CCDC102B: variants seen among roughly 807,000 people sequenced by gnomAD.
The protein encoded by CCDC102B is coiled-coil domain-containing protein 102B.
A neutral mutation model predicts 57.4 loss-of-function variants in CCDC102B; 75 were observed. The ratio of observed to expected loss-of-function variants is 1.31; its 90% confidence interval spans 1.08 to 1.58. CCDC102B has a LOEUF of 1.58. Ranked by LOEUF, CCDC102B falls within the 40% of genes most tolerant of loss-of-function variation. CCDC102B has a pLI of 0.00. For missense variants in CCDC102B, 636 were observed against 582.6 expected, an observed-to-expected ratio of 1.09 and a Z score of -0.94; for synonymous variants, 206 against 201.9, an observed-to-expected ratio of 1.02 and a Z score of -0.17.
intron 7 of CCDC102B, among the ~76,000 whole-genome samples, chr18:69,017,897 T>C (rs2051713626): frequency 6.6e-6 from 1 of 152,224 alleles, no homozygotes; most frequent in Non-Finnish European, 1.5e-5. Context: ...TGCATTAGTC[T>C]TTCTGTGTCT....
At chr18:68,896,971 AAT>A (rs1472753016) in intron 5 of CCDC102B, among the ~76,000 whole-genome samples, 1 of 152,106 alleles carries the variant, frequency 6.6e-6, no homozygotes, top group Non-Finnish European at 1.5e-5. Context: ...ATATTTGAAA[AAT>A]ATGGTACATA....
At chr18:68,988,131 T>C (rs962761569) in intron 6 of CCDC102B, among the ~76,000 whole-genome samples, 5 of 151,622 alleles carry the variant, frequency 3.3e-5, no homozygotes, top group African/African-American at 1.2e-4. Context: ...AGAGCAAAGA[T>C]AGGGAATCAA....
At chr18:68,963,496 C>T (rs1399935897) in intron 6 of CCDC102B, among the ~76,000 whole-genome samples, 1 of 151,792 alleles carries the variant, frequency 6.6e-6, no homozygotes, top group African/African-American at 2.4e-5. Context: ...CATATACTTA[C>T]AGGTGTACTT....
rs1555673531 is a variant in CCDC102B, at chr18:69,022,222, T to TAAAA, written c.1434+11120_1434+11121insAAAA. Among the ~76,000 whole-genome samples the TAAAA allele has an allele frequency of 2.6e-4, 25 of 95,004 alleles. 1 individual carries two copies. The highest frequency in any genetic ancestry group is 5.9e-3 in the Middle Eastern group (1 of 170). 62.3% of individuals were successfully genotyped at this position (95,004 alleles called of 152,430 possible). A position where few individuals can be genotyped will look rare whatever the true frequency, so the allele number is the denominator to read the frequency against. ...ATATATATATATATATATATATATA[T>TAAAA]AACACACACACACGCGTGCGTGTGC... On this transcript the variant is annotated intron_variant, in intron 7 of 7. Coordinates refer to ENST00000360242, the MANE Select transcript of CCDC102B (RefSeq NM_024781.3).
chr18:68,982,117 G>A (rs1052417255), intron 6 of CCDC102B, among the ~76,000 whole-genome samples: 6 of 151,928 alleles, frequency 3.9e-5, no homozygotes, highest in Non-Finnish European at 4.4e-5. Flanking sequence ...AATCCTGTCT[G>A]TCAAAGTCAA....
chr18:69,029,515 C>A (rs1037851811), intron 7 of CCDC102B, among the ~76,000 whole-genome samples: 2 of 152,052 alleles, frequency 1.3e-5, no homozygotes, highest in Non-Finnish European at 2.9e-5. Flanking sequence ...TTTTACACAG[C>A]GTCAAGAGAT....
At chr18:68,917,227 G>A (rs1795635744) in intron 6 of CCDC102B, among the ~76,000 whole-genome samples, 1 of 151,940 alleles carries the variant, frequency 6.6e-6, no homozygotes, top group African/African-American at 2.4e-5. Flanking sequence ...GGAGAGCATT[G>A]GTTTGGAGGG....
chr18:68,765,453 GGAA>G (rs1252286488), intron 2 of CCDC102B, among the ~76,000 whole-genome samples: 1 of 141,990 alleles, frequency 7.0e-6, no homozygotes, highest in African/African-American at 2.6e-5. Context: ...AGGAGAAAGA[GGAA>G]GAAAGAGAGA....
chr18:68,838,179 G>A lies in CCDC102B; in HGVS notation c.607-527G>A, dbSNP rs141742449. Among the ~76,000 whole-genome samples, 91 of 152,194 alleles carry A rather than the reference G, an allele frequency of 6.0e-4. No homozygotes were observed. In the East Asian group the frequency reaches 8.3e-3, roughly 14 times the overall value. ...TTGTTGCTCTAGTACTGATGTCCATGTTTATTAAAGCGCCCCATTAAATTC... is the reference window on the plus strand; with the variant it reads ...TTGTTGCTCTAGTACTGATGTCCATATTTATTAAAGCGCCCCATTAAATTC... On this transcript the variant is annotated intron_variant, in intron 2 of 7. Coordinates refer to ENST00000360242, the MANE Select transcript of CCDC102B (RefSeq NM_024781.3).
chr18:69,027,538 TA>T, intron 7 of CCDC102B, among the ~76,000 whole-genome samples: 1 of 152,326 alleles, frequency 6.6e-6, no homozygotes, highest in East Asian at 1.9e-4. Context: ...TGTCTAGGTG[TA>T]AATCATTTAG....
intron 7 of CCDC102B, among the ~76,000 whole-genome samples, chr18:69,020,743 C>A (rs951132037): frequency 6.6e-6 from 1 of 152,068 alleles, no homozygotes. Flanking sequence ...ACTGTGGTAT[C>A]CTTTGAATGC....
chr18:68,747,124 G>A (rs931324256), intron 2 of CCDC102B, among the ~76,000 whole-genome samples: 3 of 151,922 alleles, frequency 2.0e-5, no homozygotes, highest in Non-Finnish European at 4.4e-5. Flanking sequence ...AAGATATACA[G>A]GAAGTTATTA....
intron 6 of CCDC102B, among the ~76,000 whole-genome samples, chr18:68,997,706 T>C (rs968857860): frequency 6.6e-6 from 1 of 152,054 alleles, no homozygotes; most frequent in Non-Finnish European, 1.5e-5. Flanking sequence ...ATTTCATTCA[T>C]CCGTGTCTTT....
intron 6 of CCDC102B, among the ~76,000 whole-genome samples, chr18:68,929,976 G>C (rs917068263): frequency 6.6e-6 from 1 of 151,142 alleles, no homozygotes; most frequent in Admixed American, 6.6e-5. Flanking sequence ...AAAATAAAAA[G>C]AGTAATTGCC....
intron 2 of CCDC102B, among the ~76,000 whole-genome samples, chr18:68,747,318 A>T (rs2033659401): frequency 6.6e-6 from 1 of 152,024 alleles, no homozygotes; most frequent in South Asian, 2.1e-4. Context: ...CATATGAGGG[A>T]GAACACAGAG....
At chr18:68,766,601 G>A (rs1568239673) in intron 2 of CCDC102B, among the ~76,000 whole-genome samples, 1 of 152,154 alleles carries the variant, frequency 6.6e-6, no homozygotes. Flanking sequence ...GAAGTAACTG[G>A]CAGCAGATCA....
chr18:68,780,802 C>T (rs886387621), intron 2 of CCDC102B, among the ~76,000 whole-genome samples: 16 of 152,038 alleles, frequency 1.1e-4, no homozygotes, highest in Admixed American at 8.5e-4. Flanking sequence ...AAGGCAGTCT[C>T]GTCACAAGTC....
intron 6 of CCDC102B, among the ~76,000 whole-genome samples, chr18:68,962,728 C>A (rs187992178): frequency 6.6e-6 from 1 of 152,044 alleles, no homozygotes; most frequent in East Asian, 1.9e-4. Context: ...AATCCTATTT[C>A]TGTTTTCCTT....
intron 1 of CCDC102B, among the ~76,000 whole-genome samples, chr18:68,800,665 T>C (rs1271503435): frequency 2.0e-5 from 3 of 151,338 alleles, no homozygotes; most frequent in African/African-American, 7.4e-5. Flanking sequence ...ATGTACTGAC[T>C]TTCCTCTGTT....
Sources: allele counts gnomAD v4.1 joint callset (sites outside exome capture counted in the v4.1 genomes callset), GRCh38; gene constraint gnomAD v4.1.1; transcripts MANE v1.5; gene names NCBI Gene and HGNC (gene_info 2026-07-23, HGNC 2026-07-21).